The following PTPRJ variants were observed in gnomAD, a reference collection of about 807,000 sequenced individuals.
PTPRJ encodes the protein protein tyrosine phosphatase receptor type J.
A neutral mutation model predicts 141.3 loss-of-function variants in PTPRJ; 129 were observed. The observed-to-expected ratio is 0.91, with a 90% CI of 0.79 to 1.06. The LOEUF (loss-of-function observed/expected upper bound fraction) is 1.06, where lower values mean the gene tolerates loss of function less well. PTPRJ is among the 50% of genes least tolerant of loss of function. The pLI, the probability that PTPRJ is intolerant of heterozygous loss-of-function variation, is 0.00. For synonymous variants in PTPRJ, 610 were observed against 640.5 expected, an observed-to-expected ratio of 0.95 and a Z score of 0.72; for missense variants, 1,601 against 1,679.7, an observed-to-expected ratio of 0.95 and a Z score of 0.82.
intron 1 of PTPRJ, among the ~76,000 whole-genome samples, chr11:48,000,786 T>C (rs1854475404): frequency 1.3e-5 from 2 of 152,090 alleles, no homozygotes; most frequent in Admixed American, 1.3e-4. Context: ...CCTACTCATT[T>C]CTGTCTGTCT....
intron 1 of PTPRJ, among the ~76,000 whole-genome samples, chr11:48,054,692 A>G (rs746224622): frequency 5.9e-5 from 9 of 152,152 alleles, no homozygotes; most frequent in Non-Finnish European, 1.0e-4. Context: ...TTTATGAAAA[A>G]AAGTTGAGCA....
At chr11:48,055,278 C>G (rs1307280108) in intron 1 of PTPRJ, among the ~76,000 whole-genome samples, 1 of 152,168 alleles carries the variant, frequency 6.6e-6, no homozygotes, top group Non-Finnish European at 1.5e-5. Context: ...CAGGACTCAC[C>G]ATGCATTCAG....
intron 3 of PTPRJ, among the ~76,000 whole-genome samples, chr11:48,120,611 G>GT (rs1022992214): frequency 1.3e-4 from 19 of 151,226 alleles, no homozygotes; most frequent in Non-Finnish European, 1.2e-4. Context: ...TGTTTTTTTT[G>GT]TTTTTTTAGT....
chr11:47,989,533 C>T (rs1335849587), intron 1 of PTPRJ, among the ~76,000 whole-genome samples: 1 of 151,664 alleles, frequency 6.6e-6, no homozygotes, highest in African/African-American at 2.4e-5. Flanking sequence ...CTGCCTCGGC[C>T]TCCCAAAGTG....
intron 1 of PTPRJ, among the ~76,000 whole-genome samples, chr11:48,017,185 A>G (rs997709628): frequency 1.3e-5 from 2 of 152,238 alleles, no homozygotes; most frequent in East Asian, 1.9e-4. Flanking sequence ...CTACTGTGGT[A>G]TCACTGCTAT....
chr11:48,164,408 A>G lies in PTPRJ; in HGVS notation c.3748A>G (p.Ile1250Val), dbSNP rs1157308159. ...TGGGGTCGGAAGGACGGGCACTTTC[A>G]TTGCCATTGATCGTCTCATCTACCA... ...SAGVGRTGTF[I>V]AIDRLIYQIE... The change falls in exon 24 of 25, where the codon ATT becomes GTT. Residue 1250 changes from isoleucine (I) to valine (V), a missense_variant. By Grantham distance (29) the Ile-to-Val change is conservative. Transcript: ENST00000418331. 1 of 1,613,980 alleles carries G rather than the reference A, an allele frequency of 6.2e-7. No individual in the cohort carries two copies.
chr11:48,161,213 G>A (rs970690094), intron 22 of PTPRJ, among the ~76,000 whole-genome samples: 2 of 133,552 alleles, frequency 1.5e-5, no homozygotes, highest in African/African-American at 3.0e-5. Context: ...AATAAGGGAT[G>A]GGTAGACTAT....
At position 48,156,471 on chromosome 11, in the gene PTPRJ, G is replaced by A. The variant is rs559407817; in HGVS notation, c.3438+352G>A. Among the ~76,000 whole-genome samples the A allele has an allele frequency of 2.9e-4, 44 of 151,840 alleles. 1 individual carries two copies. Among genetic ancestry groups the A allele is most frequent in the South Asian group, 2.3e-3 (11 of 4,816 alleles). ...CCATGAACACGGACAAGCCCATCAT[G>A]TCTCTAAGCAACCGGTGTCTTCATC... On this transcript the variant is annotated intron_variant, in intron 21 of 24. Coordinates refer to ENST00000418331, the MANE Select transcript of PTPRJ (RefSeq NM_002843.4).
chr11:48,036,877 G>A (rs1303722020), intron 1 of PTPRJ, among the ~76,000 whole-genome samples: 1 of 152,182 alleles, frequency 6.6e-6, no homozygotes, highest in Non-Finnish European at 1.5e-5. Flanking sequence ...GTAGTCTAGG[G>A]TGGTTTGCTC....
In PTPRJ at chr11:48,121,244, CAG is replaced by C; in HGVS notation, c.597_598del (p.Arg199SerfsTer13). 6.2e-7 allele frequency: 1 copy of C among 1,614,092 alleles called. No individual in the cohort carries two copies. Among genetic ancestry groups the C allele is most frequent in the Non-Finnish European group, 8.5e-7 (1 of 1,179,984 alleles). ...TAGGCAATGAGACTTGGGGAGATCC[CAG>C]AGTCATAAAAGTCATCACAGGTAAG... ...GIGNETWGDP[R>X]VIKVITEPIP... On this transcript the variant is annotated frameshift_variant, in exon 4 of 25. Coordinates refer to ENST00000418331, the MANE Select transcript of PTPRJ (RefSeq NM_002843.4). LOFTEE classifies it high-confidence loss of function.
intron 1 of PTPRJ, among the ~76,000 whole-genome samples, chr11:48,000,377 C>T (rs927386720): frequency 2.6e-5 from 4 of 151,808 alleles, no homozygotes; most frequent in Non-Finnish European, 5.9e-5. Flanking sequence ...AAGTCCTGGG[C>T]TCAAACGATC....
At chr11:48,087,305 G>A (rs1565296088) in intron 1 of PTPRJ, among the ~76,000 whole-genome samples, 1 of 152,210 alleles carries the variant, frequency 6.6e-6, no homozygotes, top group South Asian at 2.1e-4. Context: ...TGAGATTCTC[G>A]TGAAGCTAAA....
chr11:47,995,179 C>A (rs1854300624), intron 1 of PTPRJ, among the ~76,000 whole-genome samples: 1 of 152,280 alleles, frequency 6.6e-6, no homozygotes, highest in Middle Eastern at 3.4e-3. Flanking sequence ...CAGCTCTGAA[C>A]ATATAATCTG....
At chr11:47,997,600 C>T (rs1377970181) in intron 1 of PTPRJ, among the ~76,000 whole-genome samples, 1 of 152,108 alleles carries the variant, frequency 6.6e-6, no homozygotes, top group Non-Finnish European at 1.5e-5. Context: ...ATGGGAGTAA[C>T]TGATACTTTT....
In PTPRJ at chr11:48,144,793, G is replaced by C; in HGVS notation, c.2694G>C (p.Leu898Phe). The C allele has an allele frequency of 6.2e-7, 1 of 1,614,138 alleles. No individual in the cohort carries two copies. Among genetic ancestry groups the C allele is most frequent in the Non-Finnish European group, 8.5e-7 (1 of 1,180,006 alleles). The change falls in exon 13 of 25, where the codon TTG (leucine) becomes TTC (phenylalanine). Residue 898 changes from leucine to phenylalanine, a missense_variant. Leu to Phe is a conservative substitution (Grantham distance 22). Transcript: ENST00000418331. ...RTEEKGRSQS[L>F]SEVLKYEIDV... ...AAGAAAAGGGACGTTCTCAGAGCTT[G>C]TCTGAAGTTTTGAAATATGAAATTG...
At chr11:48,109,393 A>G (rs1380776287) in intron 1 of PTPRJ, among the ~76,000 whole-genome samples, 3 of 152,236 alleles carry the variant, frequency 2.0e-5, no homozygotes, top group Admixed American at 6.5e-5. Flanking sequence ...ATGGATCACA[A>G]TGAATATCCT....
chr11:48,110,516 G>C (rs1358078677), intron 2 of PTPRJ, among the ~76,000 whole-genome samples: 2 of 152,214 alleles, frequency 1.3e-5, no homozygotes, highest in African/African-American at 2.4e-5. Flanking sequence ...TTCTTTAGAA[G>C]TAGGAGTGAG....
intron 3 of PTPRJ, among the ~76,000 whole-genome samples, chr11:48,113,868 A>G (rs970598208): frequency 3.3e-5 from 5 of 152,224 alleles, no homozygotes; most frequent in Non-Finnish European, 7.3e-5. Context: ...ATTAATCAAT[A>G]TAACCCATAT....
At chr11:48,021,243 A>G (rs1342839729) in intron 1 of PTPRJ, among the ~76,000 whole-genome samples, 2 of 152,024 alleles carry the variant, frequency 1.3e-5, no homozygotes, top group African/African-American at 4.8e-5. Context: ...GCGTGTTGGC[A>G]TGTGCCTGTA....
Sources: gnomAD v4.1 joint callset for allele counts (sites outside exome capture counted in the v4.1 genomes callset) on GRCh38, gnomAD v4.1.1 for gene constraint, MANE v1.5 for transcripts, NCBI Gene and HGNC (gene_info 2026-07-23, HGNC 2026-07-21) for gene names.